The following NCKAP5 variants were observed in gnomAD, a reference collection of about 807,000 sequenced individuals.
NCKAP5 encodes the protein nck-associated protein 5.
NCKAP5 carries 92 observed loss-of-function variants against 167.0 expected under a neutral mutation model. That is an observed-to-expected ratio of 0.55 (90% CI 0.47 to 0.66). NCKAP5 has a LOEUF of 0.66. Ranked by LOEUF, NCKAP5 falls within the 30% of genes least tolerant of loss-of-function variation. NCKAP5 has a pLI of 0.00. For synonymous variants in NCKAP5, 891 were observed against 877.4 expected (o/e 1.02, Z -0.27); for missense variants, 2,378 against 2,315.0 (o/e 1.03, Z -0.56).
chr2:132,953,300 G>T (rs1344228938), intron 8 of NCKAP5, among the ~76,000 whole-genome samples: 1 of 152,012 alleles, frequency 6.6e-6, no homozygotes, highest in Non-Finnish European at 1.5e-5. Flanking sequence ...TACCATCTTT[G>T]CCTGGAGAAC....
chr2:133,103,446 A>G (rs2081582925), intron 6 of NCKAP5, among the ~76,000 whole-genome samples: 1 of 152,180 alleles, frequency 6.6e-6, no homozygotes, highest in South Asian at 2.1e-4. Flanking sequence ...ATTAAAAGAG[A>G]GAAAGCATTT....
intron 2 of NCKAP5, among the ~76,000 whole-genome samples, chr2:133,551,233 G>GA (rs1687265089): frequency 6.6e-6 from 1 of 151,298 alleles, no homozygotes; most frequent in Non-Finnish European, 1.5e-5. Flanking sequence ...CACAGAATTG[G>GA]AAAAAACTAC....
intron 7 of NCKAP5, among the ~76,000 whole-genome samples, chr2:132,979,238 C>T (rs993668946): frequency 1.3e-5 from 2 of 152,148 alleles, no homozygotes; most frequent in Non-Finnish European, 2.9e-5. Context: ...AATTTAGAGT[C>T]CTGTCTTTTT....
At chr2:132,934,875 A>G (rs1003684933) in intron 8 of NCKAP5, among the ~76,000 whole-genome samples, 2 of 152,192 alleles carry the variant, frequency 1.3e-5, no homozygotes, top group Non-Finnish European at 2.9e-5. Context: ...CACCTCTTGT[A>G]TGTGAATATA....
chr2:133,576,922 T>C, the NCKAP5 span, among the ~76,000 whole-genome samples: 1 of 152,220 alleles, frequency 6.6e-6, no homozygotes, highest in Non-Finnish European at 1.5e-5. Flanking sequence ...TCAGAGCCTT[T>C]CCTGTAATAC....
At chr2:133,524,956 G>A (rs951643859) in intron 2 of NCKAP5, among the ~76,000 whole-genome samples, 3 of 152,180 alleles carry the variant, frequency 2.0e-5, no homozygotes, top group South Asian at 2.1e-4. Context: ...GTGTACATGC[G>A]CATGAGTATA....
chr2:133,431,337 C>A (rs1305790008), intron 3 of NCKAP5, among the ~76,000 whole-genome samples: 2 of 152,122 alleles, frequency 1.3e-5, no homozygotes, highest in Non-Finnish European at 2.9e-5. Flanking sequence ...AGATGTGTAA[C>A]CTACTTCCTG....
At chr2:133,627,293 C>G in the NCKAP5 span, among the ~76,000 whole-genome samples, 30 of 152,206 alleles carry the variant, frequency 2.0e-4, no homozygotes, top group African/African-American at 7.2e-4. Context: ...AGCTAATACA[C>G]TTAAAATATT....
chr2:132,782,817 A>G lies in NCKAP5; in HGVS notation c.3994T>C (p.Leu1332=), dbSNP rs1683163025. ...CTCCCAACACTGGGGAGACTCTCCA[A>G]CATGGGAGCAGAAGGGGCCTTGTTG... ...SPNKAPSAPM[L]ESLPSVGRPS... The change falls in exon 14 of 20, where the codon TTG becomes CTG. Residue 1332 remains leucine (L), a synonymous_variant. Coordinates refer to ENST00000409261, the MANE Select transcript of NCKAP5 (RefSeq NM_207363.3). The G allele has an allele frequency of 6.2e-7, 1 of 1,613,916 alleles. No individual in the cohort carries two copies. Among genetic ancestry groups the G allele is most frequent in the Non-Finnish European group, 8.5e-7 (1 of 1,179,864 alleles).
At chr2:133,245,702 A>G (rs1320858655) in intron 4 of NCKAP5, among the ~76,000 whole-genome samples, 1 of 152,116 alleles carries the variant, frequency 6.6e-6, no homozygotes, top group East Asian at 1.9e-4. Flanking sequence ...ACCAGAAAAC[A>G]TAGAGGAAAA....
At chr2:133,227,518 CT>C (rs1426161644) in intron 4 of NCKAP5, among the ~76,000 whole-genome samples, 1 of 152,198 alleles carries the variant, frequency 6.6e-6, no homozygotes, top group Non-Finnish European at 1.5e-5. Flanking sequence ...GGTCTTGAAA[CT>C]GGTCTGCCCA....
intron 8 of NCKAP5, among the ~76,000 whole-genome samples, chr2:132,962,480 A>G (rs1045427632): frequency 3.9e-5 from 6 of 152,150 alleles, no homozygotes; most frequent in Non-Finnish European, 8.8e-5. Flanking sequence ...CTTTATTATC[A>G]CCGAGGAAAT....
intron 8 of NCKAP5, among the ~76,000 whole-genome samples, chr2:132,947,071 T>C (rs1401170710): frequency 1.3e-5 from 2 of 152,214 alleles, no homozygotes; most frequent in African/African-American, 4.8e-5. Context: ...GGATCAGGGT[T>C]GTTTTGAATA....
chr2:133,425,932 C>T (rs1437387223), intron 3 of NCKAP5, among the ~76,000 whole-genome samples: 2 of 152,180 alleles, frequency 1.3e-5, no homozygotes, highest in African/African-American at 4.8e-5. Flanking sequence ...CACAAAAACT[C>T]TCAAGTGCCT....
At chr2:133,458,913 G>C (rs1692023249) in intron 3 of NCKAP5, among the ~76,000 whole-genome samples, 2 of 152,154 alleles carry the variant, frequency 1.3e-5, no homozygotes, top group African/African-American at 4.8e-5. Flanking sequence ...GATCTCATTA[G>C]AAAATCCTTA....
At chr2:132,931,874 T>C (rs534793040) in intron 8 of NCKAP5, among the ~76,000 whole-genome samples, 2 of 152,130 alleles carry the variant, frequency 1.3e-5, no homozygotes, top group South Asian at 2.1e-4. Context: ...AAATTGTAAG[T>C]TGAGAAAAAA....
At chr2:133,454,810 A>G (rs1691746630) in intron 3 of NCKAP5, among the ~76,000 whole-genome samples, 1 of 152,062 alleles carries the variant, frequency 6.6e-6, no homozygotes. Flanking sequence ...CTTACCTACA[A>G]TTATGAAGCT....
the NCKAP5 span, among the ~76,000 whole-genome samples, chr2:133,601,451 C>T: frequency 1.3e-5 from 2 of 152,248 alleles, no homozygotes; most frequent in African/African-American, 2.4e-5. Flanking sequence ...CTACCTTGGC[C>T]GGGTGCAGTG....
chr2:133,584,242 A>G, the NCKAP5 span, among the ~76,000 whole-genome samples: 1 of 152,192 alleles, frequency 6.6e-6, no homozygotes, highest in African/African-American at 2.4e-5. Flanking sequence ...ATTGCTAAAA[A>G]ATATTCTCTT....
Sources: gnomAD v4.1 joint callset for allele counts (sites outside exome capture counted in the v4.1 genomes callset) on GRCh38, gnomAD v4.1.1 for gene constraint, MANE v1.5 for transcripts, NCBI Gene and HGNC (gene_info 2026-07-23, HGNC 2026-07-21) for gene names.